ARAP2: variants seen among roughly 807,000 people sequenced by gnomAD.
ARAP2 encodes arf-GAP with Rho-GAP domain, ANK repeat and PH domain-containing protein 2.
In ARAP2, 148 loss-of-function variants were observed where a neutral mutation model predicts 194.5. The ratio of observed to expected loss-of-function variants is 0.76; its 90% CI spans 0.67 to 0.87. The LOEUF is 0.87. Among genes scored for constraint, ARAP2 ranks in the 40% least tolerant of loss-of-function variants. The pLI is 0.00. For missense variants in ARAP2, 2,128 were observed against 1,989.7 expected (o/e 1.07, Z -1.32); for synonymous variants, 695 against 683.5 (o/e 1.02, Z -0.26).
rs1198223607 is a variant in ARAP2 at position 36,228,928 on chromosome 4, C to G, written c.559G>C (p.Val187Leu). 1 of 1,614,038 alleles carries G rather than the reference C, an allele frequency of 6.2e-7. No homozygotes were observed. Among genetic ancestry groups the G allele is most frequent in the Non-Finnish European group, 8.5e-7 (1 of 1,179,962 alleles). The change falls in exon 2 of 33, where the codon GTG becomes CTG. Residue 187 changes from valine to leucine, a missense_variant. Val to Leu is a conservative substitution (Grantham distance 32, BLOSUM62 1). Coordinates refer to ENST00000303965, the MANE Select transcript of ARAP2 (RefSeq NM_015230.4). ...TGTTGTTCTTCAACTGTGTGATCCA[C>G]AGTCTTCTTTGTAATCAATGATTCT... is the stretch of plus-strand genomic sequence containing the variant. ...KIESLITKKT[V>L]DHTVEEQQTE...
At chr4:36,146,989 T>A (rs1368354469) in intron 19 of ARAP2, among the ~76,000 whole-genome samples, 1 of 152,062 alleles carries the variant, frequency 6.6e-6, no homozygotes, top group East Asian at 1.9e-4. Flanking sequence ...AATGAAGATA[T>A]ATTTATAATT....
At position 36,067,155 on chromosome 4, in the gene ARAP2, G is replaced by A. The variant is rs1474573270; in HGVS notation, c.*752C>T. On this transcript the variant is annotated 3_prime_UTR_variant, in exon 33 of 33. Transcript: ENST00000303965. ...GCAGCCACCAACAATGAGCTCAAACGTAGTGAATCTGTAATGTGGCTGGTT... is the reference window on the plus strand; with the variant it reads ...GCAGCCACCAACAATGAGCTCAAACATAGTGAATCTGTAATGTGGCTGGTT... 2.6e-5 allele frequency: 4 copies of A among 152,346 alleles called. No individual in the cohort carries two copies. Among genetic ancestry groups the A allele is most frequent in the Non-Finnish European group, 4.4e-5 (3 of 68,046 alleles). The allele number at this position is 152,346 out of a possible 1,614,324, so 9.4% of individuals were successfully genotyped here. A position where few individuals can be genotyped will look rare whatever the true frequency, so the allele number is the denominator to read the frequency against.
At chr4:36,052,734 G>T (rs1259889785) in intron 2 of ARAP2, among the ~76,000 whole-genome samples, 6 of 152,178 alleles carry the variant, frequency 3.9e-5, no homozygotes, top group Non-Finnish European at 7.4e-5. Context: ...GGAGGCCGAG[G>T]CGGGCGGATC....
intron 9 of ARAP2, among the ~76,000 whole-genome samples, chr4:36,010,960 G>T (rs1327082572): frequency 2.0e-5 from 3 of 152,040 alleles, no homozygotes; most frequent in Non-Finnish European, 2.9e-5. Context: ...TGAACTAAAG[G>T]TCAGACAAAT....
At chr4:36,047,300 T>A (rs988792039) in intron 3 of ARAP2, 3 of 152,248 alleles carry the variant, frequency 2.0e-5, no homozygotes, top group African/African-American at 4.8e-5. Flanking sequence ...TTATCTCCCA[T>A]CCAAGAGAGT....
rs547914444 is a variant in ARAP2 at position 36,037,832 on chromosome 4, G to T, written n.607+8147C>A. Reference sequence around the variant, plus strand: ...AACCAATAGTCTCTTCAAGGTGATTGTGAATCTCTCACTTGCAGTGGATTT... The same window carrying T: ...AACCAATAGTCTCTTCAAGGTGATTTTGAATCTCTCACTTGCAGTGGATTT... On this transcript the variant is annotated intron_variant and non_coding_transcript_variant, in intron 5 of 12. Transcript: ENST00000503225. 5.9e-5 allele frequency among the ~76,000 whole-genome samples: 9 copies of T among 152,250 alleles called. No homozygotes were observed. The South Asian group carries it at 1.7e-3, about 28-fold the overall frequency.
intron 5 of ARAP2, among the ~76,000 whole-genome samples, chr4:36,035,788 AT>A (rs1298484879): frequency 6.6e-6 from 1 of 152,112 alleles, no homozygotes; most frequent in Non-Finnish European, 1.5e-5. Context: ...TTATATTTAG[AT>A]TTGAATCTGC....
chr4:36,114,381 T>C, intron 25 of ARAP2, 94 bp from the exon 26 acceptor site: 2 of 753,994 alleles, frequency 2.7e-6, no homozygotes, highest in East Asian at 5.3e-5. Context: ...CATTTAATGA[T>C]ATCTTGAATT....
intron 6 of ARAP2, among the ~76,000 whole-genome samples, chr4:36,195,486 T>C (rs1742872790): frequency 1.3e-5 from 2 of 152,272 alleles, no homozygotes; most frequent in African/African-American, 4.8e-5. Context: ...GAGAAATACA[T>C]ACCTTCTAAC....
At chr4:36,042,231 C>T (rs1258166033) in intron 5 of ARAP2, among the ~76,000 whole-genome samples, 1 of 151,988 alleles carries the variant, frequency 6.6e-6, no homozygotes, top group South Asian at 2.1e-4. Context: ...CAACATGTGG[C>T]ATATGAAAAT....
intron 9 of ARAP2, among the ~76,000 whole-genome samples, chr4:36,174,745 C>T (rs1737437898): frequency 6.6e-6 from 1 of 152,188 alleles, no homozygotes; most frequent in South Asian, 2.1e-4. Flanking sequence ...CCCTTCTTCA[C>T]ATGATGCCAT....
intron 5 of ARAP2, among the ~76,000 whole-genome samples, chr4:36,042,869 G>T (rs1204657836): frequency 1.4e-5 from 2 of 147,414 alleles, no homozygotes; most frequent in Admixed American, 1.4e-4. Flanking sequence ...TTCAAACAGG[G>T]TTTCACTCTG....
At chr4:36,033,295 G>A (rs1160819356) in intron 5 of ARAP2, among the ~76,000 whole-genome samples, 1 of 151,770 alleles carries the variant, frequency 6.6e-6, no homozygotes, top group Non-Finnish European at 1.5e-5. Context: ...CCAACCAACA[G>A]TATATAAGCA....
Position 36,082,249 on chromosome 4 carries a change from AC to A in ARAP2, c.4544+1del. 1 of 1,611,004 alleles carries A rather than the reference AC, an allele frequency of 6.2e-7. No individual in the cohort carries two copies. Among genetic ancestry groups the A allele is most frequent in the Non-Finnish European group, 8.5e-7 (1 of 1,178,632 alleles). On this transcript the variant is annotated splice_donor_variant, in intron 30 of 32. Transcript: ENST00000303965. LOFTEE classifies it high-confidence loss of function. Reference sequence around the variant, plus strand: ...TCCAAAAGTTGTCAGCTGTTAACTTACCAGTGATGTTTCTCAGAATATGCGG... The same window carrying A: ...TCCAAAAGTTGTCAGCTGTTAACTTACAGTGATGTTTCTCAGAATATGCGG...
chr4:36,041,220 T>C (rs369327765), intron 5 of ARAP2, among the ~76,000 whole-genome samples: 1 of 151,960 alleles, frequency 6.6e-6, no homozygotes, highest in African/African-American at 2.4e-5. Flanking sequence ...AATGAAACTA[T>C]CAACAGAATG....
At chr4:36,052,536 A>T (rs1312589454) in intron 2 of ARAP2, among the ~76,000 whole-genome samples, 1 of 152,254 alleles carries the variant, frequency 6.6e-6, no homozygotes, top group African/African-American at 2.4e-5. Flanking sequence ...TTGCTAAGAG[A>T]ATGAATAAAT....
chr4:36,226,509 G>GCC (rs201658279), intron 2 of ARAP2, among the ~76,000 whole-genome samples: 103 of 150,596 alleles, frequency 6.8e-4, no homozygotes, highest in African/African-American at 2.2e-3. Flanking sequence ...TATCTTTTAA[G>GCC]CCCCCCCCCA....
intron 30 of ARAP2, 95 bp from the exon 31 acceptor site, chr4:36,080,374 G>A: frequency 1.0e-6 from 1 of 971,466 alleles, no homozygotes. Flanking sequence ...AAAATCTCTG[G>A]GTCTCTCCTG....
At position 36,205,431 on chromosome 4, in the gene ARAP2, T is replaced by C. The variant is rs939747886; in HGVS notation, c.1487+4959A>G. Among the ~76,000 whole-genome samples, 5 of 152,178 alleles carry C rather than the reference T, an allele frequency of 3.3e-5. No homozygotes were observed. The South Asian group carries it at 1.0e-3, about 31-fold the overall frequency. On this transcript the variant is annotated intron_variant, in intron 6 of 32. Coordinates refer to ENST00000303965, the MANE Select transcript of ARAP2 (RefSeq NM_015230.4). ...ATGTCACTTTTTTTAAAATAAGCTA[T>C]GTACTACTTTCTGACATTTAAACTA...
Sources: allele counts gnomAD v4.1 joint callset (sites outside exome capture counted in the v4.1 genomes callset), GRCh38; gene constraint gnomAD v4.1.1; transcripts MANE v1.5; gene names NCBI Gene and HGNC (gene_info 2026-07-23, HGNC 2026-07-21).